Variants in STK38L observed in about 807,000 individuals in gnomAD.
The protein encoded by STK38L is serine/threonine-protein kinase 38-like.
A neutral mutation model predicts 59.7 loss-of-function variants in STK38L; 28 were observed. The ratio of observed to expected loss-of-function variants is 0.47; its 90% CI spans 0.35 to 0.64. The LOEUF (loss-of-function observed/expected upper bound fraction) is 0.64, where lower values mean the gene tolerates loss of function less well. Among genes scored for constraint, STK38L ranks in the 30% least tolerant of loss-of-function variants. The probability of loss-of-function intolerance (pLI) is 0.01; values close to 1 mark genes in which losing one functional copy is unlikely to be tolerated. For missense variants in STK38L, 314 were observed against 555.8 expected (o/e 0.56, Z 4.37); for synonymous variants, 162 against 176.8 (o/e 0.92, Z 0.66).
chr12:27,254,412 A>G (rs535164261), intron 1 of STK38L, among the ~76,000 whole-genome samples: 1 of 152,308 alleles, frequency 6.6e-6, no homozygotes, highest in South Asian at 2.1e-4. Flanking sequence ...GTCCTCCTCT[A>G]TCCTTGTTTG....
chr12:27,258,549 G>C (rs1377130191), intron 1 of STK38L, among the ~76,000 whole-genome samples: 2 of 152,166 alleles, frequency 1.3e-5, no homozygotes, highest in Non-Finnish European at 2.9e-5. Flanking sequence ...GGCTGGTCTC[G>C]AACTCCTGAC....
At position 27,323,882 on chromosome 12, in the gene STK38L, T is replaced by C. The variant is rs1171791758; in HGVS notation, c.*1427T>C. 6.6e-6 allele frequency: 1 copy of C among 152,118 alleles called. No individual in the cohort carries two copies. Among genetic ancestry groups the C allele is most frequent in the Admixed American group, 6.5e-5 (1 of 15,276 alleles). The allele number at this position is 152,118 out of a possible 1,614,324, so 9.4% of individuals were successfully genotyped here. On this transcript the variant is annotated 3_prime_UTR_variant, in exon 14 of 14. Transcript: ENST00000389032. ...CATTAGTAATAGTTGAGGAATAATA[T>C]ACTAGCAAAGAATGGCCTAATGTTT...
At chr12:27,295,292 A>G (rs1030862213) in intron 1 of STK38L, among the ~76,000 whole-genome samples, 39 of 152,348 alleles carry the variant, frequency 2.6e-4, no homozygotes, top group African/African-American at 7.9e-4. Flanking sequence ...ATTATCTCAG[A>G]TGGCCTTAGA....
intron 12 of STK38L, among the ~76,000 whole-genome samples, chr12:27,321,693 A>G (rs965260970): frequency 1.3e-5 from 2 of 152,212 alleles, no homozygotes; most frequent in Non-Finnish European, 2.9e-5. Flanking sequence ...GGATACAAAA[A>G]AAATAGAATG....
Position 27,308,744 on chromosome 12 carries a change from A to C in STK38L, c.309+283A>C, listed in dbSNP as rs1338756492. Among the ~76,000 whole-genome samples the C allele has an allele frequency of 6.6e-6, 1 of 151,474 alleles. No homozygotes were observed. The highest frequency in any genetic ancestry group is 1.5e-5 in the Non-Finnish European group (1 of 67,878). On this transcript the variant is annotated intron_variant, in intron 4 of 13. Transcript: ENST00000389032. The surrounding 1 kb of genome is among the most constrained non-coding windows in gnomAD (Gnocchi z 4.5). ...TGAGGCAGGAGAATCGCTTGAGCCC[A>C]GGAGGCAGAAGTTGCAGTGAGCTGA...
chr12:27,264,854 AT>A (rs773840078), intron 1 of STK38L, among the ~76,000 whole-genome samples: 1 of 152,216 alleles, frequency 6.6e-6, no homozygotes, highest in East Asian at 1.9e-4. Context: ...CTGTAAAAAA[AT>A]GTTTTGGTTG....
At chr12:27,269,806 C>A (rs1473151794) in intron 1 of STK38L, among the ~76,000 whole-genome samples, 2 of 152,102 alleles carry the variant, frequency 1.3e-5, no homozygotes, top group Non-Finnish European at 2.9e-5. Flanking sequence ...CCATGCCCGG[C>A]TGATTTTTGT....
intron 1 of STK38L, among the ~76,000 whole-genome samples, chr12:27,290,981 G>C (rs1033753498): frequency 6.6e-6 from 1 of 152,160 alleles, no homozygotes; most frequent in Admixed American, 6.5e-5. Flanking sequence ...CCTCTAGTCT[G>C]ATCTGTACTT....
At chr12:27,281,572 AGTT>A (rs1392577725) in intron 1 of STK38L, among the ~76,000 whole-genome samples, 2 of 152,176 alleles carry the variant, frequency 1.3e-5, no homozygotes, top group Non-Finnish European at 2.9e-5. Context: ...TACCTCATAG[AGTT>A]GTTGTGAAGA....
chr12:27,280,340 A>C (rs1943627027), intron 1 of STK38L, among the ~76,000 whole-genome samples: 1 of 152,204 alleles, frequency 6.6e-6, no homozygotes. Flanking sequence ...TTCTGTGAGA[A>C]ATTGAGCAAG....
intron 1 of STK38L, among the ~76,000 whole-genome samples, chr12:27,286,407 C>T (rs999421879): frequency 6.6e-6 from 1 of 152,112 alleles, no homozygotes; most frequent in Admixed American, 6.5e-5. Flanking sequence ...ACTGTTTGTT[C>T]ATCACAATTT....
intron 1 of STK38L, among the ~76,000 whole-genome samples, chr12:27,264,233 G>A (rs1340998931): frequency 1.3e-5 from 2 of 152,194 alleles, no homozygotes; most frequent in Non-Finnish European, 2.9e-5. Context: ...AATGATTTCA[G>A]GATGGGAGAG....
intron 1 of STK38L, among the ~76,000 whole-genome samples, chr12:27,250,045 T>G (rs986727348): frequency 1.3e-5 from 2 of 152,122 alleles, no homozygotes; most frequent in East Asian, 3.8e-4. Flanking sequence ...GAAACTAACA[T>G]GAGGGCATGA....
intron 11 of STK38L, among the ~76,000 whole-genome samples, chr12:27,318,986 G>A (rs1345171495): frequency 6.6e-6 from 1 of 152,014 alleles, no homozygotes; most frequent in African/African-American, 2.4e-5. Context: ...GCGAGACTCC[G>A]TCTCACAAAC....
At chr12:27,262,243 T>G (rs1164482865) in intron 1 of STK38L, among the ~76,000 whole-genome samples, 1 of 152,186 alleles carries the variant, frequency 6.6e-6, no homozygotes, top group Non-Finnish European at 1.5e-5. Context: ...ATAATGCCAT[T>G]ATTGAGAAGC....
chr12:27,308,908 A>AAATATATATT lies in STK38L; in HGVS notation c.310-196_310-187dup, dbSNP rs1366416167. 1.4e-5 allele frequency among the ~76,000 whole-genome samples: 2 copies of AAATATATATT among 146,410 alleles called. No homozygotes were observed. Among genetic ancestry groups the AAATATATATT allele is most frequent in the African/African-American group, 2.5e-5 (1 of 40,438 alleles). The stretch of plus-strand genomic sequence containing the variant: ...TAAATGTAAATATATAAATATATAT[A>AAATATATATT]AATATATATTAATATATATAAAATA... On this transcript the variant is annotated intron_variant, in intron 4 of 13. Coordinates refer to ENST00000389032, the MANE Select transcript of STK38L (RefSeq NM_015000.4). The surrounding 1 kb of genome is among the most constrained non-coding windows in gnomAD (Gnocchi z 4.5).
At chr12:27,248,609 T>C (rs1298796823) in intron 1 of STK38L, among the ~76,000 whole-genome samples, 1 of 152,076 alleles carries the variant, frequency 6.6e-6, no homozygotes, top group African/African-American at 2.4e-5. Context: ...AGCTTCTTTG[T>C]CAGTGCCTGC....
At chr12:27,315,266 CA>C (rs1251117720) in intron 8 of STK38L, 22 bp from the exon 9 acceptor site, 8 of 1,612,398 alleles carry the variant, frequency 5.0e-6, no homozygotes, top group Non-Finnish European at 6.8e-6. Context: ...CTCGTGATTA[CA>C]ATTCCATATT....
intron 1 of STK38L, among the ~76,000 whole-genome samples, chr12:27,291,688 G>A (rs1206301525): frequency 6.6e-6 from 1 of 152,160 alleles, no homozygotes; most frequent in Non-Finnish European, 1.5e-5. Flanking sequence ...TTTCGTTAGG[G>A]ACCCAGTTTA....
Sources: gnomAD v4.1 joint callset for allele counts (sites outside exome capture counted in the v4.1 genomes callset) on GRCh38, gnomAD v4.1.1 for gene constraint, Gnocchi (gnomAD v3.1) non-coding constraint, MANE v1.5 for transcripts, NCBI Gene and HGNC (gene_info 2026-07-23, HGNC 2026-07-21) for gene names.